CNGB1: variants seen among roughly 807,000 people sequenced by gnomAD.
CNGB1 encodes cyclic nucleotide gated channel subunit beta 1.
CNGB1 carries 126 observed loss-of-function variants against 151.7 expected under a neutral mutation model. The ratio of observed to expected loss-of-function variants is 0.83; its 90% confidence interval spans 0.72 to 0.96. CNGB1 has a LOEUF of 0.96. CNGB1 is among the 40% of genes least tolerant of loss of function. CNGB1 has a pLI of 0.00. For missense variants in CNGB1, 1,698 were observed against 1,627.0 expected (o/e 1.04, Z -0.75); for synonymous variants, 623 against 635.1 (o/e 0.98, Z 0.29).
intron 12 of CNGB1, among the ~76,000 whole-genome samples, chr16:57,950,819 G>A (rs367796755): frequency 4.6e-5 from 7 of 152,274 alleles, no homozygotes; most frequent in East Asian, 1.9e-4. Flanking sequence ...TGTTTCTCAC[G>A]GGGGATTCCT....
intron 17 of CNGB1, among the ~76,000 whole-genome samples, chr16:57,925,500 G>C (rs75877541): frequency 6.6e-5 from 10 of 152,164 alleles, no homozygotes; most frequent in African/African-American, 2.2e-4. Flanking sequence ...ACTAGAAAAC[G>C]GTTAGAGGCT....
In CNGB1 at chr16:57,911,834, A is replaced by T; in HGVS notation, c.2411T>A (p.Leu804Ter). The T allele has an allele frequency of 6.2e-7, 1 of 1,614,038 alleles. No homozygotes were observed. Among genetic ancestry groups the T allele is most frequent in the Non-Finnish European group, 8.5e-7 (1 of 1,179,914 alleles). Residue 804 changes from leucine (L) to a stop codon, truncating the protein, a stop_gained, in exon 25 of 33, where the codon TTG becomes TAG. Transcript: ENST00000251102. LOFTEE classifies it high-confidence loss of function. ...TGCCCAGTAATAAAGACAGGAATTC[A>T]AATGCAGGCTGTAGAGAAGGTAGGC... is the stretch of plus-strand genomic sequence containing the variant. ...TTAYLLYSLH[L>*]NSCLYYWASA...
intron 29 of CNGB1, among the ~76,000 whole-genome samples, chr16:57,899,547 G>A (rs1045876189): frequency 6.6e-5 from 10 of 152,032 alleles, no homozygotes; most frequent in African/African-American, 2.2e-4. Context: ...GGCTGAGGTA[G>A]GTGAAATGCT....
intron 10 of CNGB1, 35 bp from the exon 11 acceptor site, chr16:57,958,520 G>A (rs78224588): frequency 0.095 from 150,663 of 1,588,672 alleles, 7,766 homozygotes; most frequent in South Asian, 0.11. Context: ...TGTCCAGGTG[G>A]GAAGGGTCAT....
At chr16:57,923,252 G>C (rs1269049989) in intron 18 of CNGB1, 21 bp downstream of exon 18, 7 of 1,385,502 alleles carry the variant, frequency 5.1e-6, no homozygotes, top group Non-Finnish European at 7.0e-6. Flanking sequence ...TCAATTTTCT[G>C]AGACCCCAGA....
In CNGB1 at chr16:57,917,606, A is replaced by ATG. The variant is rs1159780540; in HGVS notation, c.1958-132_1958-131dup. ...GTGGCACTTTTGTAAGAGTGTGTGT[A>ATG]TGTGTGTGTGTGTGTATATATACAC... is the stretch of plus-strand genomic sequence containing the variant. On this transcript the variant is annotated intron_variant, in intron 20 of 32. Coordinates refer to ENST00000251102, the MANE Select transcript of CNGB1 (RefSeq NM_001297.5). 3,251 of 524,694 alleles carry ATG rather than the reference A, an allele frequency of 6.2e-3. 84 individuals are homozygous for ATG. In the African/African-American group the frequency reaches 0.084, roughly 14 times the overall value. The allele number at this position is 524,694 out of a possible 1,614,324, so 32.5% of individuals were successfully genotyped here. A position where few individuals can be genotyped will look rare whatever the true frequency, so the allele number is the denominator to read the frequency against.
At chr16:57,905,432 G>A (rs1220020733) in intron 25 of CNGB1, among the ~76,000 whole-genome samples, 6 of 152,212 alleles carry the variant, frequency 3.9e-5, no homozygotes, top group African/African-American at 1.4e-4. Context: ...CAAGAGCTGG[G>A]CGCTGTCTGC....
Position 57,904,537 on chromosome 16 carries a change from G to A in CNGB1, c.2634+197C>T, listed in dbSNP as rs946662074. ...GACATTTCAAATGATAATGACCTCA[G>A]AGAGGGAATAGGGCCGAGTTCACCA... On this transcript the variant is annotated intron_variant, in intron 26 of 32. Coordinates refer to ENST00000251102, the MANE Select transcript of CNGB1 (RefSeq NM_001297.5). Among the ~76,000 whole-genome samples, 10 of 152,284 alleles carry A rather than the reference G, an allele frequency of 6.6e-5. No individual in the cohort carries two copies. In the East Asian group the frequency reaches 1.9e-3, roughly 29 times the overall value.
At chr16:57,915,226 G>A (rs779851606) in intron 23 of CNGB1, 23 bp downstream of exon 23, 13 of 1,594,898 alleles carry the variant, frequency 8.2e-6, no homozygotes, top group Non-Finnish European at 6.0e-6. Flanking sequence ...GAAGGCCTGG[G>A]GTGGTGGGCC....
At chr16:57,887,248 G>A (rs1405701408) in intron 32 of CNGB1, among the ~76,000 whole-genome samples, 2 of 152,016 alleles carry the variant, frequency 1.3e-5, no homozygotes, top group South Asian at 2.1e-4. Context: ...TTCTGGGGCC[G>A]GACATTTGCT....
intron 19 of CNGB1, 55 bp from the exon 20 acceptor site, chr16:57,919,309 T>C: frequency 6.2e-7 from 1 of 1,613,154 alleles, no homozygotes; most frequent in African/African-American, 1.3e-5. Flanking sequence ...AGGTAGAGGA[T>C]GCAGAGAGAA....
intron 31 of CNGB1, among the ~76,000 whole-genome samples, chr16:57,889,911 A>T (rs567677597): frequency 6.6e-6 from 1 of 152,308 alleles, no homozygotes; most frequent in South Asian, 2.1e-4. Flanking sequence ...TGCCTCTGAC[A>T]GTTGGGGAAA....
intron 14 of CNGB1, 60 bp from the exon 15 acceptor site, chr16:57,940,381 C>T: frequency 1.3e-6 from 2 of 1,511,944 alleles, no homozygotes; most frequent in African/African-American, 2.8e-5. Context: ...TAAAGGTTTC[C>T]CCAGCCCTGC....
At chr16:57,915,980 C>T in intron 22 of CNGB1, 149 bp downstream of exon 22, 2 of 793,168 alleles carry the variant, frequency 2.5e-6, no homozygotes, top group South Asian at 2.7e-5. Context: ...TCTCCTGGGG[C>T]TTGTGGTTTG....
intron 10 of CNGB1, among the ~76,000 whole-genome samples, chr16:57,959,384 C>T (rs185922499): frequency 1.1e-4 from 17 of 151,668 alleles, no homozygotes; most frequent in Admixed American, 7.9e-4. Context: ...GAGGCCAAGG[C>T]GGTCAGATTG....
At chr16:57,918,037 G>A (rs1323241520) in intron 20 of CNGB1, among the ~76,000 whole-genome samples, 1 of 146,426 alleles carries the variant, frequency 6.8e-6, no homozygotes, top group East Asian at 1.9e-4. Flanking sequence ...ACAGGTGAAT[G>A]CATGGATGGA....
Position 57,950,428 on chromosome 16 carries a change from C to A in CNGB1, c.987G>T (p.Val329=). 4 of 1,614,270 alleles carry A rather than the reference C, an allele frequency of 2.5e-6. No homozygotes were observed. The highest frequency in any genetic ancestry group is 3.4e-6 in the Non-Finnish European group (4 of 1,180,054). ...TGTTCTCTTCTTCATAAGCTGGAAC[C>A]ACCTCTGTACCCTGTGGGCTGGTAC... ...DVSTSPQGTE[V]VPAYEEENKA... is the part of the protein sequence containing the mutation. The change falls in exon 13 of 33, where the codon GTG becomes GTT. Residue 329 remains valine, a synonymous_variant. Coordinates refer to ENST00000251102, the MANE Select transcript of CNGB1 (RefSeq NM_001297.5).
Position 57,932,785 on chromosome 16 carries a change from T to A in CNGB1, c.1373-907A>T, listed in dbSNP as rs567458836. Among the ~76,000 whole-genome samples, 4 of 152,354 alleles carry A rather than the reference T, an allele frequency of 2.6e-5. No homozygotes were observed. In the South Asian group the frequency reaches 8.3e-4, roughly 32 times the overall value. On this transcript the variant is annotated intron_variant, in intron 16 of 32. Coordinates refer to ENST00000251102, the MANE Select transcript of CNGB1 (RefSeq NM_001297.5). ...TTAGTAGAGACCGGGTTTCACCGTG[T>A]TAGCCAGGATGGTCTCGATCTCCTG...
chr16:57,918,667 A>T (rs1960945829), intron 20 of CNGB1, among the ~76,000 whole-genome samples: 1 of 152,146 alleles, frequency 6.6e-6, no homozygotes, highest in Non-Finnish European at 1.5e-5. Flanking sequence ...CTCATCTGTA[A>T]AATGGGTATG....
Sources: allele counts gnomAD v4.1 joint callset (sites outside exome capture counted in the v4.1 genomes callset), GRCh38; gene constraint gnomAD v4.1.1; transcripts MANE v1.5; gene names NCBI Gene and HGNC (gene_info 2026-07-23, HGNC 2026-07-21).